Variants in NKAIN2 observed in about 807,000 individuals in gnomAD.
NKAIN2 encodes sodium/potassium transporting ATPase interacting 2, also known as sodium/potassium-transporting ATPase subunit beta-1-interacting protein 2.
Under a neutral mutation model 32.6 loss-of-function variants are expected in NKAIN2, and 14 were observed. The observed-to-expected ratio is 0.43, with a 90% CI of 0.28 to 0.67. NKAIN2 has a LOEUF of 0.67. NKAIN2 is among the 30% of genes least tolerant of loss of function. The pLI is 0.17. For synonymous variants in NKAIN2, 80 were observed against 87.2 expected (o/e 0.92, Z 0.46); for missense variants, 198 against 258.3 (o/e 0.77, Z 1.60).
chr6:124,534,861 G>A (rs576854877), intron 3 of NKAIN2, among the ~76,000 whole-genome samples: 9 of 152,052 alleles, frequency 5.9e-5, no homozygotes, highest in African/African-American at 2.2e-4. Context: ...ATGTACAGTT[G>A]TCCCTTGGCA....
At chr6:124,020,018 A>G (rs1245463528) in intron 1 of NKAIN2, among the ~76,000 whole-genome samples, 1 of 152,144 alleles carries the variant, frequency 6.6e-6, no homozygotes, top group Non-Finnish European at 1.5e-5. Context: ...TTGCCTGTTT[A>G]TTCATTTTGT....
chr6:124,099,279 C>T (rs1456800802), intron 1 of NKAIN2, among the ~76,000 whole-genome samples: 2 of 152,038 alleles, frequency 1.3e-5, no homozygotes, highest in Non-Finnish European at 2.9e-5. Context: ...GAGATATTAT[C>T]TGCCTTTTTA....
chr6:124,809,959 G>T (rs1341807522), intron 5 of NKAIN2, among the ~76,000 whole-genome samples: 2 of 152,116 alleles, frequency 1.3e-5, no homozygotes, highest in Admixed American at 1.3e-4. Flanking sequence ...AGTTAGAATG[G>T]CAATCATTAA....
At chr6:123,940,313 T>G (rs235683) in intron 1 of NKAIN2, among the ~76,000 whole-genome samples, 58,114 of 151,510 alleles carry the variant, frequency 0.38, 12,849 homozygotes, top group African/African-American at 0.62. Context: ...TGTGTGTGTG[T>G]GTGTGTGTGT....
chr6:124,617,848 C>CATT (rs1193671857), intron 3 of NKAIN2, among the ~76,000 whole-genome samples: 4 of 151,944 alleles, frequency 2.6e-5, no homozygotes, highest in African/African-American at 9.7e-5. Context: ...TTATTTTTTT[C>CATT]ATTTTTATAA....
intron 1 of NKAIN2, among the ~76,000 whole-genome samples, chr6:123,855,778 A>G (rs538606144): frequency 6.6e-6 from 1 of 152,330 alleles, no homozygotes; most frequent in Admixed American, 6.5e-5. Flanking sequence ...GTTCACATGG[A>G]TTCACCATAG....
At chr6:124,754,862 T>C (rs577762932) in intron 4 of NKAIN2, among the ~76,000 whole-genome samples, 1 of 152,190 alleles carries the variant, frequency 6.6e-6, no homozygotes, top group African/African-American at 2.4e-5. Context: ...CTAGTCACAA[T>C]AGCAAAGACA....
rs1187416441 is a variant in NKAIN2 at position 124,114,916 on chromosome 6, T to TGAAGGA, written c.55-168089_55-168088insGAAGGA. On this transcript the variant is annotated intron_variant, in intron 1 of 6. Transcript: ENST00000368417. ...GGAGAATGATGATTGAGACAGTGGC[T>TGAAGGA]CTATTAGGCTGAAGGACAAGATCAC... Among the ~76,000 whole-genome samples the TGAAGGA allele has an allele frequency of 1.6e-3, 251 of 152,224 alleles. 1 individual carries two copies. Among genetic ancestry groups the TGAAGGA allele is most frequent in the African/African-American group, 5.8e-3 (241 of 41,558 alleles).
At chr6:124,452,116 G>T (rs1583274528) in intron 3 of NKAIN2, among the ~76,000 whole-genome samples, 1 of 151,260 alleles carries the variant, frequency 6.6e-6, no homozygotes, top group African/African-American at 2.4e-5. Context: ...GACCACTTGA[G>T]CCTGGGAGGC....
At chr6:123,839,617 C>T (rs1383932469) in intron 1 of NKAIN2, among the ~76,000 whole-genome samples, 1 of 152,112 alleles carries the variant, frequency 6.6e-6, no homozygotes. Context: ...CTGTTAACTA[C>T]CCTCTCTCCC....
chr6:124,093,483 C>T (rs60866052), intron 1 of NKAIN2, among the ~76,000 whole-genome samples: 2 of 152,050 alleles, frequency 1.3e-5, no homozygotes, highest in African/African-American at 4.8e-5. Flanking sequence ...GAAACAGCAC[C>T]TAGTACATAA....
chr6:124,573,611 G>A (rs1333502692), intron 3 of NKAIN2, among the ~76,000 whole-genome samples: 1 of 151,744 alleles, frequency 6.6e-6, no homozygotes, highest in Non-Finnish European at 1.5e-5. Context: ...TCTTTTTACA[G>A]CCTCACATTA....
intron 1 of NKAIN2, among the ~76,000 whole-genome samples, chr6:124,259,880 G>C (rs1364286958): frequency 6.6e-6 from 1 of 152,094 alleles, no homozygotes; most frequent in Non-Finnish European, 1.5e-5. Context: ...GTGTTATGGG[G>C]CCATTCTGTG....
intron 3 of NKAIN2, among the ~76,000 whole-genome samples, chr6:124,415,934 T>G (rs889645632): frequency 1.3e-5 from 2 of 150,254 alleles, no homozygotes; most frequent in Non-Finnish European, 3.0e-5. Flanking sequence ...TCTTATCTTC[T>G]CCTCTGTGAC....
chr6:124,002,109 A>C (rs1779901415), intron 1 of NKAIN2, among the ~76,000 whole-genome samples: 1 of 152,086 alleles, frequency 6.6e-6, no homozygotes, highest in Non-Finnish European at 1.5e-5. Flanking sequence ...TTCAATAAAA[A>C]TGTTAATATA....
chr6:124,186,839 C>T (rs577082277), intron 1 of NKAIN2, among the ~76,000 whole-genome samples: 2 of 152,094 alleles, frequency 1.3e-5, no homozygotes, highest in Non-Finnish European at 2.9e-5. Context: ...AGCATTAGAG[C>T]CACCATGTCA....
intron 3 of NKAIN2, among the ~76,000 whole-genome samples, chr6:124,631,779 A>C (rs1219460575): frequency 6.6e-6 from 1 of 152,152 alleles, no homozygotes; most frequent in Non-Finnish European, 1.5e-5. Flanking sequence ...TCTTCACCAG[A>C]CAGTCCAACA....
chr6:124,285,879 A>G (rs1302486373), intron 2 of NKAIN2, among the ~76,000 whole-genome samples: 1 of 152,210 alleles, frequency 6.6e-6, no homozygotes, highest in African/African-American at 2.4e-5. Context: ...AGCTAAAGAA[A>G]AGAAAATGTT....
rs1186623381 is a variant in NKAIN2, at chr6:124,088,276, G to T, written c.55-194729G>T. ...CTACAAAATAATAATAATAAAATTA[G>T]CCAGATGTGGTGGTGTATGCCTGTA... is the stretch of plus-strand genomic sequence containing the variant. On this transcript the variant is annotated intron_variant, in intron 1 of 6. Transcript: ENST00000368417. Among the ~76,000 whole-genome samples the T allele has an allele frequency of 2.0e-5, 3 of 151,876 alleles. No homozygotes were observed. The East Asian group carries it at 5.8e-4, about 29-fold the overall frequency.
Sources: allele counts gnomAD v4.1 joint callset (sites outside exome capture counted in the v4.1 genomes callset), GRCh38; gene constraint gnomAD v4.1.1; transcripts MANE v1.5; gene names NCBI Gene and HGNC (gene_info 2026-07-23, HGNC 2026-07-21).